The following PCDHGA1 variants were observed in gnomAD, a reference collection of about 807,000 sequenced individuals.
PCDHGA1 encodes protocadherin gamma-A1.
In PCDHGA1, 32 loss-of-function variants were observed where a neutral mutation model predicts 58.0. The ratio of observed to expected loss-of-function variants is 0.55; its 90% CI spans 0.42 to 0.74. The LOEUF is 0.74. PCDHGA1 is among the 30% of genes least tolerant of loss of function. PCDHGA1 has a pLI of 0.00. For synonymous variants in PCDHGA1, 498 were observed against 501.1 expected (o/e 0.99, Z 0.08); for missense variants, 1,205 against 1,182.3 (o/e 1.02, Z -0.28).
At position 141,476,789 on chromosome 5, in the gene PCDHGA1, T is replaced by C; in HGVS notation, c.2422-18018T>C. ...GTTGGACGGAGGGACCCCAGCTCTC[T>C]CCGCCAGCCTGCCTATTCACATCAA... On this transcript the variant is annotated intron_variant, in intron 1 of 3. Transcript: ENST00000517417. The surrounding 1 kb of genome is among the most constrained non-coding windows in gnomAD (Gnocchi z 7.6). 1.2e-6 allele frequency: 2 copies of C among 1,613,374 alleles called. No individual in the cohort carries two copies. The highest frequency in any genetic ancestry group is 4.5e-5 in the East Asian group (2 of 44,864).
At chr5:141,339,781 T>A (rs1332087953) in intron 1 of PCDHGA1, 3 of 1,614,180 alleles carry the variant, frequency 1.9e-6, no homozygotes, top group East Asian at 4.5e-5. Flanking sequence ...CTGACGCAGA[T>A]GAGGGCTACT....
At chr5:141,464,913 AT>A (rs1366203949) in intron 1 of PCDHGA1, among the ~76,000 whole-genome samples, 1 of 151,428 alleles carries the variant, frequency 6.6e-6, no homozygotes, top group Non-Finnish European at 1.5e-5. Context: ...TAATTTTTTT[AT>A]TTTTTTGTAG....
intron 1 of PCDHGA1, chr5:141,365,461 A>G (rs1237743383): frequency 6.2e-7 from 1 of 1,614,022 alleles, no homozygotes; most frequent in Admixed American, 1.7e-5. Flanking sequence ...GTGATTCTGG[A>G]GAAAATGGTG....
In PCDHGA1 at chr5:141,345,893, T is replaced by C. The variant is rs1052013782; in HGVS notation, c.2421+12788T>C. 4.3e-6 allele frequency: 7 copies of C among 1,611,956 alleles called. No homozygotes were observed. In the African/African-American group the frequency reaches 9.4e-5, roughly 22 times the overall value. ...GCGAGCCGGGACTCTTCTCGGTGGGTCTGCACACGGGCGAGGTGCGCACGG... is the reference window on the plus strand; with the variant it reads ...GCGAGCCGGGACTCTTCTCGGTGGGCCTGCACACGGGCGAGGTGCGCACGG... On this transcript the variant is annotated intron_variant, in intron 1 of 3. Transcript: ENST00000517417.
intron 1 of PCDHGA1, among the ~76,000 whole-genome samples, chr5:141,381,826 CTTTTTTTTTTTT>C (rs770630741): frequency 2.7e-5 from 2 of 74,284 alleles, no homozygotes; most frequent in Non-Finnish European, 4.7e-5. Flanking sequence ...CTTTCTTCTT[CTTTTTTTTTTTT>C]TTTTTTTTTT....
chr5:141,364,676 AT>A, intron 1 of PCDHGA1: 2 of 1,614,002 alleles, frequency 1.2e-6, no homozygotes, highest in South Asian at 2.2e-5. Context: ...CAAAATGAAA[AT>A]TTATGGAGTA....
At chr5:141,484,287 C>T (rs1432341538) in intron 1 of PCDHGA1, among the ~76,000 whole-genome samples, 1 of 152,268 alleles carries the variant, frequency 6.6e-6, no homozygotes, top group Non-Finnish European at 1.5e-5. Context: ...GAAACATCTC[C>T]CTCTCCTGGC....
In PCDHGA1 at chr5:141,476,040, G is replaced by A; in HGVS notation, c.2422-18767G>A. 2.0e-6 allele frequency: 3 copies of A among 1,488,704 alleles called. No individual in the cohort carries two copies. Among genetic ancestry groups the A allele is most frequent in the Admixed American group, 2.2e-5 (1 of 44,984 alleles). 92.2% of individuals were successfully genotyped at this position (1,488,704 alleles called of 1,614,324 possible). On this transcript the variant is annotated intron_variant, in intron 1 of 3. Coordinates refer to ENST00000517417, the MANE Select transcript of PCDHGA1 (RefSeq NM_018912.3). The surrounding 1 kb of genome is among the most constrained non-coding windows in gnomAD (Gnocchi z 7.6). The stretch of plus-strand genomic sequence containing the variant: ...CGGACTCGGCGCCCAGCGCCCAAGC[G>A]CTAACCCGCTGAAAGTTTCTCAGCG...
intron 1 of PCDHGA1, chr5:141,405,106 C>G: frequency 6.2e-7 from 1 of 1,613,964 alleles, no homozygotes; most frequent in Non-Finnish European, 8.5e-7. Flanking sequence ...GGCTGAGGCA[C>G]TGGCACTCCT....
chr5:141,416,016 G>C (rs190922355), intron 1 of PCDHGA1: 29 of 227,390 alleles, frequency 1.3e-4, no homozygotes, highest in Non-Finnish European at 2.2e-4. Context: ...GAATAGGTAA[G>C]TATCAGAAAG....
chr5:141,467,095 C>G (rs930625426), intron 1 of PCDHGA1, among the ~76,000 whole-genome samples: 2 of 150,094 alleles, frequency 1.3e-5, no homozygotes, highest in African/African-American at 4.9e-5. Context: ...CTCTGTCACA[C>G]AGGCTGGAGT....
At chr5:141,333,293 G>A in intron 1 of PCDHGA1, 188 bp downstream of exon 1, 2 of 884,438 alleles carry the variant, frequency 2.3e-6, no homozygotes, top group Non-Finnish European at 1.7e-6. Flanking sequence ...AATTGTTCTT[G>A]CACTGAAAAG....
Position 141,449,530 on chromosome 5 carries a change from A to G in PCDHGA1, c.2422-45277A>G, listed in dbSNP as rs2098641850. On this transcript the variant is annotated intron_variant, in intron 1 of 3. Transcript: ENST00000517417. ...CTTGAACCTGGGAGGCGGAGGTTGC[A>G]GTGAGCCGAGATCGCACCACTGCAC... Among the ~76,000 whole-genome samples, 4 of 149,684 alleles carry G rather than the reference A, an allele frequency of 2.7e-5. No individual in the cohort carries two copies. The South Asian group carries it at 8.5e-4, about 32-fold the overall frequency.
At chr5:141,450,006 C>CTT (rs1554136305) in intron 1 of PCDHGA1, among the ~76,000 whole-genome samples, 6 of 132,984 alleles carry the variant, frequency 4.5e-5, no homozygotes, top group East Asian at 2.2e-4. Flanking sequence ...TGCCATGTCT[C>CTT]TTTTTTTTTT....
intron 1 of PCDHGA1, chr5:141,362,457 G>C (rs1290295372): frequency 6.2e-7 from 1 of 1,614,004 alleles, no homozygotes; most frequent in South Asian, 1.1e-5. Context: ...CCCCGGAATT[G>C]GTTCCCGCGC....
chr5:141,464,824 G>A (rs1329087889), intron 1 of PCDHGA1, among the ~76,000 whole-genome samples: 2 of 151,816 alleles, frequency 1.3e-5, no homozygotes, highest in African/African-American at 2.4e-5. Context: ...CTGTAGCCTC[G>A]CACTCCTGGG....
rs370432555 is a variant in PCDHGA1 at position 141,388,865 on chromosome 5, G to A, written c.2421+55760G>A. On this transcript the variant is annotated intron_variant, in intron 1 of 3. Transcript: ENST00000517417. Reference sequence around the variant, plus strand: ...CAAGGGACGGTGGAGGAATGATTGCGCAATGCACAGTGGAGGTAGAAGTCA... The same window carrying A: ...CAAGGGACGGTGGAGGAATGATTGCACAATGCACAGTGGAGGTAGAAGTCA... 10 of 1,613,808 alleles carry A rather than the reference G, an allele frequency of 6.2e-6. No homozygotes were observed. In the East Asian group the frequency reaches 6.7e-5, roughly 11 times the overall value.
chr5:141,367,108 A>AC, intron 1 of PCDHGA1: 1 of 233,042 alleles, frequency 4.3e-6, no homozygotes, highest in Non-Finnish European at 8.4e-6. Context: ...GTCTGCCTAG[A>AC]CACCATTAGT....
intron 1 of PCDHGA1, chr5:141,356,861 A>C (rs754992858): frequency 1.2e-5 from 20 of 1,614,030 alleles, no homozygotes; most frequent in Non-Finnish European, 1.7e-5. Context: ...TTTGTGCTGG[A>C]CCAGAACGAC....
Sources: gnomAD v4.1 joint callset for allele counts (sites outside exome capture counted in the v4.1 genomes callset) on GRCh38, gnomAD v4.1.1 for gene constraint, Gnocchi (gnomAD v3.1) non-coding constraint, MANE v1.5 for transcripts, NCBI Gene and HGNC (gene_info 2026-07-23, HGNC 2026-07-21) for gene names.